The following LEPROTL1 variants were observed in gnomAD, a reference collection of about 807,000 sequenced individuals.
The protein encoded by LEPROTL1 is leptin receptor overlapping transcript like 1.
LEPROTL1 carries 6 observed loss-of-function variants against 15.4 expected under a neutral mutation model. The observed-to-expected ratio is 0.39, with a 90% CI of 0.21 to 0.77. The LOEUF (loss-of-function observed/expected upper bound fraction) is 0.77, where lower values mean the gene tolerates loss of function less well. LEPROTL1 is among the 30% of genes least tolerant of loss of function. The pLI is 0.41. For missense variants in LEPROTL1, 128 were observed against 158.1 expected, an observed-to-expected ratio of 0.81 and a Z score of 1.02; for synonymous variants, 56 against 52.6, an observed-to-expected ratio of 1.06 and a Z score of -0.28.
intron 2 of LEPROTL1, among the ~76,000 whole-genome samples, chr8:30,102,742 C>T (rs545464188): frequency 1.3e-5 from 2 of 151,640 alleles, no homozygotes; most frequent in African/African-American, 2.4e-5. Flanking sequence ...AAAAGATGGA[C>T]AACTCAATAG....
At chr8:30,119,528 G>A (rs1802795234) in intron 3 of LEPROTL1, among the ~76,000 whole-genome samples, 1 of 152,022 alleles carries the variant, frequency 6.6e-6, no homozygotes, top group South Asian at 2.1e-4. Flanking sequence ...TTTCTATTCT[G>A]TGTCTGTGTC....
chr8:30,126,336 C>T (rs560146185), intron 3 of LEPROTL1, among the ~76,000 whole-genome samples: 1 of 152,174 alleles, frequency 6.6e-6, no homozygotes, highest in South Asian at 2.1e-4. Context: ...AGAATGTGTC[C>T]CCATATTAAG....
chr8:30,107,673 C>T lies in LEPROTL1; in HGVS notation c.*1811C>T, dbSNP rs1802590614. The T allele has an allele frequency of 3.0e-6, 3 of 985,494 alleles. No individual in the cohort carries two copies. Among genetic ancestry groups the T allele is most frequent in the Non-Finnish European group, 3.6e-6 (3 of 829,912 alleles). The allele number at this position is 985,494 out of a possible 1,614,324, so 61.0% of individuals were successfully genotyped here. ...TTGTGGTATTATAATGTTCAGATTT[C>T]AAGAGGAAGGTGCAGGTACACATGA... On this transcript the variant is annotated 3_prime_UTR_variant, in exon 4 of 4. Transcript: ENST00000321250.
intron 3 of LEPROTL1, among the ~76,000 whole-genome samples, chr8:30,115,388 A>T (rs1802724465): frequency 6.6e-6 from 1 of 151,570 alleles, no homozygotes; most frequent in East Asian, 1.9e-4. Flanking sequence ...GTACCCCCAG[A>T]TATGATGTAC....
intron 3 of LEPROTL1, among the ~76,000 whole-genome samples, chr8:30,121,049 C>T (rs180809079): frequency 1.3e-5 from 2 of 152,250 alleles, no homozygotes; most frequent in African/African-American, 4.8e-5. Context: ...TAGGTACCTC[C>T]TATGGAATCA....
At chr8:30,095,988 C>A in intron 1 of LEPROTL1, 1 of 662,412 alleles carries the variant, frequency 1.5e-6, no homozygotes, top group Non-Finnish European at 2.8e-6. Context: ...GGTCTGCGGG[C>A]GCTGCACGGG....
At chr8:30,109,792 G>T (rs145410836), downstream of LEPROTL1, among the ~76,000 whole-genome samples, 1 of 151,958 alleles carries the variant, frequency 6.6e-6, no homozygotes, top group African/African-American at 2.4e-5. Context: ...CTTAATTAGG[G>T]TGCCTCCTAC....
At chr8:30,104,270 AATTAC>A in intron 2 of LEPROTL1, 25 bp from the exon 3 acceptor site, 1 of 1,376,188 alleles carries the variant, frequency 7.3e-7, no homozygotes, top group South Asian at 1.6e-5. Context: ...ACATAGCAAA[AATTAC>A]ATTAACTTAT....
downstream of LEPROTL1, among the ~76,000 whole-genome samples, chr8:30,112,165 A>G (rs1367678880): frequency 6.6e-6 from 1 of 152,150 alleles, no homozygotes; most frequent in Non-Finnish European, 1.5e-5. Flanking sequence ...CAGACATGCC[A>G]CAATTTGCTT....
intron 3 of LEPROTL1, among the ~76,000 whole-genome samples, chr8:30,123,880 T>C (rs1021994129): frequency 1.4e-4 from 22 of 152,064 alleles, no homozygotes; most frequent in Non-Finnish European, 3.1e-4. Flanking sequence ...AACAGAGACA[T>C]GAATGATGTA....
At chr8:30,113,938 C>G (rs1317539314) in intron 3 of LEPROTL1, among the ~76,000 whole-genome samples, 1 of 152,128 alleles carries the variant, frequency 6.6e-6, no homozygotes. Context: ...CACCCACCGG[C>G]CTAGGGAGAC....
chr8:30,117,708 C>G, intron 3 of LEPROTL1: 1 of 1,335,548 alleles, frequency 7.5e-7, no homozygotes, highest in African/African-American at 1.4e-5. Flanking sequence ...AAGCACCTGG[C>G]TGGCGTTTGC....
chr8:30,106,243 C>T lies in LEPROTL1; in HGVS notation c.*381C>T. On this transcript the variant is annotated 3_prime_UTR_variant, in exon 4 of 4. Coordinates refer to ENST00000321250, the MANE Select transcript of LEPROTL1 (RefSeq NM_015344.3). ...ATTCAGAATTCCGCCGGCTCTATTA[C>T]TGGTCAAGTACATCTTTTCTCTTAA... 1 of 986,434 alleles carries T rather than the reference C, an allele frequency of 1.0e-6. No individual in the cohort carries two copies. The highest frequency in any genetic ancestry group is 1.2e-6 in the Non-Finnish European group (1 of 830,296). The allele number at this position is 986,434 out of a possible 1,614,324, so 61.1% of individuals were successfully genotyped here.
intron 3 of LEPROTL1, among the ~76,000 whole-genome samples, chr8:30,119,581 G>A (rs773057797): frequency 6.6e-6 from 1 of 152,258 alleles, no homozygotes; most frequent in Non-Finnish European, 1.5e-5. Flanking sequence ...TATTGGATGA[G>A]GGCCCATGCT....
At chr8:30,128,021 C>T (rs570528547) in intron 3 of LEPROTL1, among the ~76,000 whole-genome samples, 2 of 152,022 alleles carry the variant, frequency 1.3e-5, no homozygotes, top group South Asian at 4.2e-4. Flanking sequence ...GAGGGAGCAG[C>T]GGGGGCAGGA....
Position 30,132,430 on chromosome 8 carries a change from T to TC in LEPROTL1, c.336dup (p.Arg113GlnfsTer41). 1 of 1,551,716 alleles carries TC rather than the reference T, an allele frequency of 6.4e-7. No homozygotes were observed. The highest frequency in any genetic ancestry group is 8.7e-7 in the Non-Finnish European group (1 of 1,147,012). ...CTCCTCTCCAGGGCTCTGACCAAGC[T>TC]CAGGCCCAAAGCCCGCTGCGTGGAG... On this transcript the variant is annotated frameshift_variant, in exon 4 of 5. Transcript: ENST00000442880. LOFTEE classifies it high-confidence loss of function.
chr8:30,132,779 G>A lies in LEPROTL1; in HGVS notation c.394+290G>A, dbSNP rs762096309. The stretch of plus-strand genomic sequence containing the variant: ...AAATAGGGCAGTGCCTTACACACAT[G>A]CTCAGACAAAGAGCTCCTGCTCCTG... On this transcript the variant is annotated intron_variant, in intron 4 of 4. Coordinates refer to the LEPROTL1 transcript ENST00000442880. 1.1e-5 allele frequency: 17 copies of A among 1,551,732 alleles called. No individual in the cohort carries two copies. In the South Asian group the frequency reaches 1.9e-4, roughly 17 times the overall value.
Position 30,105,654 on chromosome 8 carries a change from T to C in LEPROTL1, c.280-92T>C, listed in dbSNP as rs144287209. ...TGTTACAAGGCATGCTTCTTTTAGATCATAATTGGGATACAACTAGAGCCT... is the reference window on the plus strand; with the variant it reads ...TGTTACAAGGCATGCTTCTTTTAGACCATAATTGGGATACAACTAGAGCCT... On this transcript the variant is annotated intron_variant, in intron 3 of 3. Transcript: ENST00000321250. 1.7e-3 allele frequency: 1,639 copies of C among 973,760 alleles called. 30 individuals carry two copies. The African/African-American group carries it at 0.025, about 15-fold the overall frequency. 60.3% of individuals were successfully genotyped at this position (973,760 alleles called of 1,614,324 possible). A position where few individuals can be genotyped will look rare whatever the true frequency, so the allele number is the denominator to read the frequency against.
rs199986945 is a variant in LEPROTL1, at chr8:30,103,110, C to T, written c.92+1137C>T. 1.5e-4 allele frequency among the ~76,000 whole-genome samples: 23 copies of T among 151,530 alleles called. No homozygotes were observed. In the East Asian group the frequency reaches 2.7e-3, roughly 18 times the overall value. On this transcript the variant is annotated intron_variant, in intron 2 of 3. Coordinates refer to ENST00000321250, the MANE Select transcript of LEPROTL1 (RefSeq NM_015344.3). ...TTGTTTTATGCGTTATTTATAAGAG[C>T]CAAAAAAAATTCTGAAAACATCCTA...
Sources: allele counts gnomAD v4.1 joint callset (sites outside exome capture counted in the v4.1 genomes callset), GRCh38; gene constraint gnomAD v4.1.1; transcripts MANE v1.5; gene names NCBI Gene and HGNC (gene_info 2026-07-23, HGNC 2026-07-21).